Variants in DNAJC6 observed in about 807,000 individuals in gnomAD.
The protein encoded by DNAJC6 is auxilin.
Under a neutral mutation model 110.0 loss-of-function variants are expected in DNAJC6, and 34 were observed. The observed-to-expected ratio is 0.31, with a 90% confidence interval of 0.24 to 0.41. The LOEUF (loss-of-function observed/expected upper bound fraction) is 0.41, where lower values mean the gene tolerates loss of function less well. Ranked by LOEUF, DNAJC6 falls within the 10% of genes least tolerant of loss-of-function variation. The pLI is 1.00. For synonymous variants in DNAJC6, 406 were observed against 437.2 expected, an observed-to-expected ratio of 0.93 and a Z score of 0.89; for missense variants, 1,031 against 1,207.8, an observed-to-expected ratio of 0.85 and a Z score of 2.17.
intron 16 of DNAJC6, among the ~76,000 whole-genome samples, chr1:65,406,336 A>C (rs35980819): frequency 6.6e-6 from 1 of 151,522 alleles, no homozygotes; most frequent in Non-Finnish European, 1.5e-5. Flanking sequence ...CTATGCTCCT[A>C]ACTTTTATAC....
rs761276455 is a variant in DNAJC6, at chr1:65,413,097, G to A, written c.*72G>A. On this transcript the variant is annotated 3_prime_UTR_variant, in exon 19 of 19. Coordinates refer to ENST00000371069, the MANE Select transcript of DNAJC6 (RefSeq NM_001256864.2). Reference sequence around the variant, plus strand: ...TGTGTGTCACAATTCTGAGGTTTTCGCAGATGAACCAAAAACTCCAGTAAC... The same window carrying A: ...TGTGTGTCACAATTCTGAGGTTTTCACAGATGAACCAAAAACTCCAGTAAC... The A allele has an allele frequency of 3.4e-5, 46 of 1,357,018 alleles. 1 individual carries two copies. The highest frequency in any genetic ancestry group is 6.0e-5 in the Admixed American group (3 of 49,702). 84.1% of individuals were successfully genotyped at this position (1,357,018 alleles called of 1,614,324 possible).
Position 65,410,890 on chromosome 1 carries a change from GC to G in DNAJC6, c.2635-357del, listed in dbSNP as rs538598619. On this transcript the variant is annotated intron_variant, in intron 17 of 18. Coordinates refer to ENST00000371069, the MANE Select transcript of DNAJC6 (RefSeq NM_001256864.2). ...GTAGAAATATGTTTAAGGTAGAGTGGCCCAGAGAAGTTTGGCCCTTTTTTAA... is the reference window on the plus strand; with the variant it reads ...GTAGAAATATGTTTAAGGTAGAGTGGCCAGAGAAGTTTGGCCCTTTTTTAA... Among the ~76,000 whole-genome samples, 393 of 152,346 alleles carry G rather than the reference GC, an allele frequency of 2.6e-3. 1 individual carries two copies. Among genetic ancestry groups the G allele is most frequent in the African/African-American group, 9.0e-3 (376 of 41,580 alleles).
At chr1:65,361,825 C>A (rs965626547) in intron 1 of DNAJC6, among the ~76,000 whole-genome samples, 2 of 152,114 alleles carry the variant, frequency 1.3e-5, no homozygotes, top group Admixed American at 6.5e-5. Flanking sequence ...TGTATGTTAT[C>A]AAAGTCATGT....
Position 65,389,376 on chromosome 1 carries a change from C to T in DNAJC6, c.1314C>T (p.Tyr438=), listed in dbSNP as rs189783499. ...VIDLTPPWEH[Y]CTKDVNPSIL... ...ACTTAACTCCACCATGGGAACATTA[C>T]TGCACAAAAGATGTCAATCCCAGCA... The change falls in exon 10 of 19, where the codon TAC becomes TAT. Residue 438 remains tyrosine, a synonymous_variant. Transcript: ENST00000371069. 1.2e-6 allele frequency: 2 copies of T among 1,614,194 alleles called. No individual in the cohort carries two copies. Among genetic ancestry groups the T allele is most frequent in the African/African-American group, 2.7e-5 (2 of 75,040 alleles).
intron 4 of DNAJC6, 63 bp downstream of exon 4, chr1:65,366,259 G>T: frequency 6.3e-7 from 1 of 1,580,674 alleles, no homozygotes; most frequent in Middle Eastern, 1.7e-4. Context: ...CCTCCTCAGA[G>T]ATACCCTTAA....
intron 7 of DNAJC6, among the ~76,000 whole-genome samples, chr1:65,386,469 G>T (rs187205213): frequency 6.6e-6 from 1 of 152,124 alleles, no homozygotes; most frequent in Non-Finnish European, 1.5e-5. Flanking sequence ...TGGATTTTTT[G>T]TTCCCTTTAT....
At chr1:65,320,074 G>A (rs933095684) in intron 1 of DNAJC6, among the ~76,000 whole-genome samples, 1 of 152,210 alleles carries the variant, frequency 6.6e-6, no homozygotes, top group Non-Finnish European at 1.5e-5. Context: ...GTGAAGACTG[G>A]TGTCACTTTC....
chr1:65,409,131 C>T (rs1205589986), intron 17 of DNAJC6, among the ~76,000 whole-genome samples: 2 of 152,142 alleles, frequency 1.3e-5, no homozygotes, highest in African/African-American at 4.8e-5. Context: ...TATAAGAGGT[C>T]TGTCTCATGA....
intron 1 of DNAJC6, among the ~76,000 whole-genome samples, chr1:65,302,520 T>C (rs1480597620): frequency 8.2e-6 from 1 of 122,492 alleles, no homozygotes; most frequent in Non-Finnish European, 1.7e-5. Flanking sequence ...TGTCTCTTCC[T>C]TTCTTTTTTT....
intron 1 of DNAJC6, among the ~76,000 whole-genome samples, chr1:65,350,640 G>A (rs1432211451): frequency 6.6e-6 from 1 of 152,098 alleles, no homozygotes; most frequent in Non-Finnish European, 1.5e-5. Flanking sequence ...TATCCTTCTG[G>A]TCATTAGGCT....
chr1:65,395,172 T>C lies in DNAJC6; in HGVS notation c.2038+140T>C, dbSNP rs1645964822. ...CATCTCTGTTTTTGAAATTAACAAC[T>C]CACCTTAACATATCAAAATCTCTGG... is the stretch of plus-strand genomic sequence containing the variant. On this transcript the variant is annotated intron_variant, in intron 13 of 18. Coordinates refer to ENST00000371069, the MANE Select transcript of DNAJC6 (RefSeq NM_001256864.2). 3.2e-6 allele frequency: 3 copies of C among 941,192 alleles called. No individual in the cohort carries two copies. In the South Asian group the frequency reaches 7.0e-5, roughly 22 times the overall value. 58.3% of individuals were successfully genotyped at this position (941,192 alleles called of 1,614,324 possible). A position where few individuals can be genotyped will look rare whatever the true frequency, so the allele number is the denominator to read the frequency against.
chr1:65,339,937 T>G (rs6588133), intron 1 of DNAJC6, among the ~76,000 whole-genome samples: 102,230 of 152,136 alleles, frequency 0.67, 35,414 homozygotes, highest in African/African-American at 0.86. Context: ...AGTTTGGTGA[T>G]ACTCCTAACA....
Position 65,354,008 on chromosome 1 carries a change from G to A in DNAJC6, c.194-10627G>A, listed in dbSNP as rs1645517288. The stretch of plus-strand genomic sequence containing the variant: ...TTCTCTTTGATTATTGCATTCCATA[G>A]CAGCTCAGTTTCACATACTTTTATT... On this transcript the variant is annotated intron_variant, in intron 1 of 18. Transcript: ENST00000371069. Among the ~76,000 whole-genome samples, 3 of 152,072 alleles carry A rather than the reference G, an allele frequency of 2.0e-5. No homozygotes were observed. The South Asian group carries it at 6.2e-4, about 32-fold the overall frequency.
chr1:65,315,278 GAAT>G (rs1434283657), intron 1 of DNAJC6, among the ~76,000 whole-genome samples: 5 of 140,298 alleles, frequency 3.6e-5, no homozygotes, highest in South Asian at 4.4e-4. Context: ...TAAGCTTTGA[GAAT>G]AATGTTTTTT....
intron 1 of DNAJC6, among the ~76,000 whole-genome samples, chr1:65,363,824 G>A (rs1307669162): frequency 6.6e-6 from 1 of 152,028 alleles, no homozygotes; most frequent in Non-Finnish European, 1.5e-5. Flanking sequence ...AAGCACAAGG[G>A]GCCAAAAAGC....
At chr1:65,340,000 A>G (rs1184228576) in intron 1 of DNAJC6, among the ~76,000 whole-genome samples, 1 of 152,234 alleles carries the variant, frequency 6.6e-6, no homozygotes, top group African/African-American at 2.4e-5. Context: ...TAATACTCAC[A>G]TTATATAGAC....
intron 17 of DNAJC6, among the ~76,000 whole-genome samples, chr1:65,409,691 A>G (rs554083789): frequency 6.6e-6 from 1 of 152,326 alleles, no homozygotes; most frequent in East Asian, 1.9e-4. Context: ...TTTGGAAAGT[A>G]GAGGAGAGAA....
intron 18 of DNAJC6, among the ~76,000 whole-genome samples, 161 bp from the exon 19 acceptor site, chr1:65,412,763 T>C (rs1481885980): frequency 6.6e-6 from 1 of 152,186 alleles, no homozygotes; most frequent in African/African-American, 2.4e-5. Flanking sequence ...GGGGAGGTTA[T>C]AGTAATTTGG....
chr1:65,277,824 G>T (rs1007145607), intron 1 of DNAJC6, among the ~76,000 whole-genome samples: 1 of 152,156 alleles, frequency 6.6e-6, no homozygotes, highest in African/African-American at 2.4e-5. Flanking sequence ...GTTATAATTT[G>T]TTATCTCTCG....
Sources: allele counts gnomAD v4.1 joint callset (sites outside exome capture counted in the v4.1 genomes callset), GRCh38; gene constraint gnomAD v4.1.1; transcripts MANE v1.5; gene names NCBI Gene and HGNC (gene_info 2026-07-23, HGNC 2026-07-21).